Variants in HTRA3 observed in about 807,000 individuals in gnomAD.
HTRA3 encodes the protein serine protease HTRA3.
A neutral mutation model predicts 43.2 loss-of-function variants in HTRA3; 41 were observed. That is an observed-to-expected ratio of 0.95 (90% CI 0.74 to 1.23). The LOEUF is 1.23. HTRA3 is among the 50% of genes most tolerant of loss of function. The pLI is 0.00. For missense variants in HTRA3, 628 were observed against 647.1 expected (o/e 0.97, Z 0.32); for synonymous variants, 295 against 287.9 (o/e 1.02, Z -0.25).
intron 1 of HTRA3, among the ~76,000 whole-genome samples, chr4:8,272,414 G>A (rs1393246256): frequency 6.6e-6 from 1 of 152,202 alleles, no homozygotes; most frequent in East Asian, 1.9e-4. Context: ...GGGGGGTCAT[G>A]GGCTGAGGCC....
chr4:8,286,670 G>A lies in HTRA3; in HGVS notation c.595G>A (p.Ala199Thr), dbSNP rs773806302. 3 of 1,614,172 alleles carry A rather than the reference G, an allele frequency of 1.9e-6. No individual in the cohort carries two copies. The highest frequency in any genetic ancestry group is 2.5e-6 in the Non-Finnish European group (3 of 1,180,026). Residue 199 changes from alanine (A) to threonine (T), a missense_variant, in exon 3 of 9, where the codon GCC becomes ACC. Coordinates refer to ENST00000307358, the MANE Select transcript of HTRA3 (RefSeq NM_053044.5). This position sits in a 1 kb window ranked among gnomAD's most constrained non-coding sequence, Gnocchi z 4.9. ...CCACGTGGTGTCCAGCAACAGTGCTGCCCCGGGCAGGCAGCAGCTCAAGGT... is the reference window on the plus strand; with the variant it reads ...CCACGTGGTGTCCAGCAACAGTGCTACCCCGGGCAGGCAGCAGCTCAAGGT... ...NAHVVSSNSA[A>T]PGRQQLKVQL...
At position 8,306,846 on chromosome 4, in the gene HTRA3, G is replaced by GCAGAGGA. The variant is rs1339971933; in HGVS notation, c.*714_*720dup. The GCAGAGGA allele has an allele frequency of 6.5e-6, 1 of 152,682 alleles. No homozygotes were observed. Among genetic ancestry groups the GCAGAGGA allele is most frequent in the Non-Finnish European group, 1.5e-5 (1 of 68,088 alleles). The allele number at this position is 152,682 out of a possible 1,614,324, so 9.5% of individuals were successfully genotyped here. ...CCCCAAGGCGGCCATGGGGCAGCCT[G>GCAGAGGA]CAGAGGACAGTGGACGTGGAGCTGC... On this transcript the variant is annotated 3_prime_UTR_variant, in exon 9 of 9. Coordinates refer to ENST00000307358, the MANE Select transcript of HTRA3 (RefSeq NM_053044.5). The surrounding 1 kb of genome is among the most constrained non-coding windows in gnomAD (Gnocchi z 8.9).
At position 8,304,242 on chromosome 4, in the gene HTRA3, T is replaced by C; in HGVS notation, c.1159T>C (p.Tyr387His). Residue 387 changes from tyrosine (Y) to histidine (H), a missense_variant, in exon 8 of 9, where the codon TAT becomes CAT. Tyr to His is a moderately conservative substitution (Grantham distance 83). Coordinates refer to ENST00000307358, the MANE Select transcript of HTRA3 (RefSeq NM_053044.5). ...PDFPEVSSGI[Y>H]VQEVAPNSPS... ...CTTCCCAGAGGTCAGCAGTGGAATT[T>C]ATGTGCAAGAGGTTGCGCCGAATTC... is the stretch of plus-strand genomic sequence containing the variant. 6.2e-7 allele frequency: 1 copy of C among 1,614,114 alleles called. No homozygotes were observed.
At position 8,269,802 on chromosome 4, in the gene HTRA3, C is replaced by G. The variant is rs1466309606; in HGVS notation, c.-167C>G. Reference sequence around the variant, plus strand: ...CTGCGCTCCCTGCGCCCTGGGGATGCCCCTGCCGCCCTGACGCCCGCCAGC... The same window carrying G: ...CTGCGCTCCCTGCGCCCTGGGGATGGCCCTGCCGCCCTGACGCCCGCCAGC... On this transcript the variant is annotated 5_prime_UTR_variant, in exon 1 of 9. Coordinates refer to ENST00000307358, the MANE Select transcript of HTRA3 (RefSeq NM_053044.5). The G allele has an allele frequency of 1.2e-5, 2 of 171,050 alleles. No individual in the cohort carries two copies. Among genetic ancestry groups the G allele is most frequent in the Admixed American group, 6.5e-5 (1 of 15,462 alleles). The allele number at this position is 171,050 out of a possible 1,614,324, so 10.6% of individuals were successfully genotyped here.
At chr4:8,281,134 T>C (rs1174268497) in intron 1 of HTRA3, among the ~76,000 whole-genome samples, 2 of 152,224 alleles carry the variant, frequency 1.3e-5, no homozygotes, top group African/African-American at 4.8e-5. Context: ...TGAATTGGGA[T>C]GTGCCTGGGG....
intron 2 of HTRA3, 111 bp downstream of exon 2, chr4:8,282,647 A>G: frequency 2.4e-6 from 2 of 841,572 alleles, no homozygotes; most frequent in Non-Finnish European, 3.9e-6. Flanking sequence ...CAGAAACTGG[A>G]GTGGCCTGGG....
Position 8,306,850 on chromosome 4 carries a change from A to G in HTRA3, c.*714A>G, listed in dbSNP as rs1713873714. On this transcript the variant is annotated 3_prime_UTR_variant, in exon 9 of 9. Coordinates refer to ENST00000307358, the MANE Select transcript of HTRA3 (RefSeq NM_053044.5). This position sits in a 1 kb window ranked among gnomAD's most constrained non-coding sequence, Gnocchi z 8.9. ...AAGGCGGCCATGGGGCAGCCTGCAG[A>G]GGACAGTGGACGTGGAGCTGCGGGG... 6.6e-6 allele frequency: 1 copy of G among 152,662 alleles called. No homozygotes were observed. The allele number at this position is 152,662 out of a possible 1,614,324, so 9.5% of individuals were successfully genotyped here.
chr4:8,271,292 G>A (rs1712263324), intron 1 of HTRA3, among the ~76,000 whole-genome samples: 1 of 152,186 alleles, frequency 6.6e-6, no homozygotes, highest in Non-Finnish European at 1.5e-5. Flanking sequence ...TTGGGGAACT[G>A]AGCGCTCTAT....
In HTRA3 at chr4:8,296,469, T is replaced by C. The variant is rs1393110269; in HGVS notation, c.1051+2268T>C. ...TTTTTTATTTAATAAAATCCAATGATCCAAACCCAGTTAATCTAAAGTTCT... is the reference window on the plus strand; with the variant it reads ...TTTTTTATTTAATAAAATCCAATGACCCAAACCCAGTTAATCTAAAGTTCT... On this transcript the variant is annotated intron_variant, in intron 6 of 8. Transcript: ENST00000307358. The surrounding 1 kb of genome is among the most constrained non-coding windows in gnomAD (Gnocchi z 5.3). The C allele has an allele frequency of 4.1e-6, 4 of 985,120 alleles. No homozygotes were observed. The highest frequency in any genetic ancestry group is 4.8e-6 in the Non-Finnish European group (4 of 829,628). 61.0% of individuals were successfully genotyped at this position (985,120 alleles called of 1,614,324 possible).
At chr4:8,274,935 C>CT in intron 1 of HTRA3, among the ~76,000 whole-genome samples, 1 of 152,334 alleles carries the variant, frequency 6.6e-6, no homozygotes, top group Non-Finnish European at 1.5e-5. Flanking sequence ...CTTGGGTTGG[C>CT]TTTTGATTTG....
At chr4:8,291,832 A>G (rs1455315707) in intron 4 of HTRA3, among the ~76,000 whole-genome samples, 1 of 152,210 alleles carries the variant, frequency 6.6e-6, no homozygotes, top group Non-Finnish European at 1.5e-5. Flanking sequence ...CAGCCCGCAA[A>G]CACCTTTGCC....
At chr4:8,285,709 G>C (rs1219471781) in intron 2 of HTRA3, among the ~76,000 whole-genome samples, 1 of 152,214 alleles carries the variant, frequency 6.6e-6, no homozygotes, top group Non-Finnish European at 1.5e-5. Flanking sequence ...GGTGAGAACT[G>C]GGGATTGTTG....
chr4:8,292,186 T>G (rs1031157143), intron 4 of HTRA3, 135 bp from the exon 5 acceptor site: 6 of 709,354 alleles, frequency 8.5e-6, no homozygotes, highest in Non-Finnish European at 1.5e-5. Flanking sequence ...GGGGCAGCAC[T>G]GAGGCCTTTC....
chr4:8,306,059 G>A lies in HTRA3; in HGVS notation c.1285G>A (p.Glu429Lys), dbSNP rs758229224. ...SSELQEAVLT[E>K]SPLLLEVRRG... ...TGAGCTGCAGGAGGCCGTGCTGACC[G>A]AGTCTCCTCTCCTACTGGAGGTGCG... Residue 429 changes from glutamate (E) to lysine (K), a missense_variant, in exon 9 of 9, where the codon GAG (glutamate) becomes AAG (lysine). Physicochemically the swap from Glu to Lys is moderately conservative, Grantham distance 56. Transcript: ENST00000307358. This position sits in a 1 kb window ranked among gnomAD's most constrained non-coding sequence, Gnocchi z 8.9. 5 of 1,612,488 alleles carry A rather than the reference G, an allele frequency of 3.1e-6. No homozygotes were observed. The highest frequency in any genetic ancestry group is 1.7e-4 in the Middle Eastern group (1 of 6,052).
intron 8 of HTRA3, among the ~76,000 whole-genome samples, chr4:8,305,354 A>G (rs1051318871): frequency 4.5e-4 from 68 of 152,368 alleles, no homozygotes; most frequent in African/African-American, 1.6e-3. Context: ...ATCTCAGTTA[A>G]TCCTCACTGC....
intron 7 of HTRA3, among the ~76,000 whole-genome samples, chr4:8,302,791 CCT>C (rs895700704): frequency 2.0e-5 from 3 of 152,230 alleles, no homozygotes; most frequent in African/African-American, 7.2e-5. Context: ...AAATGTGTTC[CCT>C]CTCAGTTCTG....
chr4:8,304,411 G>A (rs899788312), intron 8 of HTRA3, 132 bp downstream of exon 8: 31 of 675,860 alleles, frequency 4.6e-5, no homozygotes, highest in Admixed American at 2.0e-4. Flanking sequence ...GGATTCTAGC[G>A]TGTCTGCTAA....
At chr4:8,285,144 C>T (rs1414474579) in intron 2 of HTRA3, among the ~76,000 whole-genome samples, 1 of 152,160 alleles carries the variant, frequency 6.6e-6, no homozygotes, top group Admixed American at 6.5e-5. Flanking sequence ...GGACTTCCCT[C>T]CCTTAAAGAC....
chr4:8,304,650 T>TTTG (rs1560144659), intron 8 of HTRA3, among the ~76,000 whole-genome samples: 1 of 72,776 alleles, frequency 1.4e-5, no homozygotes. Flanking sequence ...ATTGTTTTTT[T>TTTG]TTTTTTTTTT....
Sources: gnomAD v4.1 joint callset for allele counts (sites outside exome capture counted in the v4.1 genomes callset) on GRCh38, gnomAD v4.1.1 for gene constraint, Gnocchi (gnomAD v3.1) non-coding constraint, MANE v1.5 for transcripts, NCBI Gene and HGNC (gene_info 2026-07-23, HGNC 2026-07-21) for gene names.